The following MEFV variants were observed in gnomAD, a reference collection of about 807,000 sequenced individuals.
MEFV encodes MEFV innate immunity regulator, pyrin.
Under a neutral mutation model 62.5 loss-of-function variants are expected in MEFV, and 60 were observed. The observed-to-expected ratio is 0.96, with a 90% confidence interval of 0.78 to 1.19. MEFV has a LOEUF of 1.19. Ranked by LOEUF, MEFV falls within the 50% of genes most tolerant of loss-of-function variation. The probability of loss-of-function intolerance (pLI) is 0.00; values close to 1 mark genes in which losing one functional copy is unlikely to be tolerated. For synonymous variants in MEFV, 500 were observed against 415.2 expected, an observed-to-expected ratio of 1.20 and a Z score of -2.48; for missense variants, 1,169 against 1,004.5, an observed-to-expected ratio of 1.16 and a Z score of -2.21.
At chr16:3,244,737 TA>T in intron 6 of MEFV, 149 bp from the exon 7 acceptor site, 1 of 713,632 alleles carries the variant, frequency 1.4e-6, no homozygotes, top group South Asian at 1.5e-5. Context: ...TTCAGAGGTC[TA>T]AATGCTGGTC....
intron 2 of MEFV, 31 bp downstream of exon 2, chr16:3,254,127 C>T (rs1319245946): frequency 6.2e-7 from 1 of 1,610,304 alleles, no homozygotes; most frequent in African/African-American, 1.3e-5. Context: ...TTCTCTGCAG[C>T]CGATATAAAG....
chr16:3,249,569 C>G lies in MEFV; in HGVS notation c.1122G>C (p.Gln374His). 1 of 1,614,214 alleles carries G rather than the reference C, an allele frequency of 6.2e-7. No individual in the cohort carries two copies. Among genetic ancestry groups the G allele is most frequent in the Non-Finnish European group, 8.5e-7 (1 of 1,180,034 alleles). The change falls in exon 3 of 10, where the codon CAG becomes CAC. Residue 374 changes from glutamine to histidine, a missense_variant. Physicochemically the swap from Gln to His is conservative, Grantham distance 24 (BLOSUM62 0). Coordinates refer to ENST00000219596, the MANE Select transcript of MEFV (RefSeq NM_000243.3). ...GGACCTGCTTCAGGTGGCGCTTACA[C>G]TGTGGCAGGGGCTGGGGGCTTAGGC... ...PGSLSPQPLP[Q>H]CKRHLKQVQL...
chr16:3,247,154 T>C lies in MEFV; in HGVS notation c.1449A>G (p.Ser483=), dbSNP rs775451312. 2 of 1,614,046 alleles carry C rather than the reference T, an allele frequency of 1.2e-6. No individual in the cohort carries two copies. Among genetic ancestry groups the C allele is most frequent in the African/African-American group, 1.3e-5 (1 of 74,922 alleles). The change falls in exon 5 of 10, where the codon TCA becomes TCG. Residue 483 remains serine (S), a synonymous_variant. Transcript: ENST00000219596. ...LEQQEHFFVA[S]LEDVGQMVGQ... is the part of the protein sequence containing the mutation. ...CAACCATCTGGCCCACGTCCTCCAG[T>C]GAGGCCACAAAGAAATGCTCTTGCT...
intron 2 of MEFV, 70 bp downstream of exon 2, chr16:3,254,088 A>C: frequency 1.3e-6 from 2 of 1,547,844 alleles, no homozygotes; most frequent in Non-Finnish European, 1.8e-6. Flanking sequence ...GATTACAGGC[A>C]TGAGCTATCG....
rs768816084 is a variant in MEFV at position 3,247,217 on chromosome 16, C to T, written c.1386G>A (p.Val462=). Residue 462 remains valine (V), a synonymous_variant, in exon 5 of 10, where the codon GTG becomes GTA. Transcript: ENST00000219596. ...LKQTEALKQR[V]QRKLEQVYYF... ...AGTACACCTGCTCCAGCTTCCTCTG[C>T]ACCCGCTGCTTCAGCGCTTCAGTTT... The T allele has an allele frequency of 2.5e-6, 4 of 1,614,172 alleles. No individual in the cohort carries two copies. Among genetic ancestry groups the T allele is most frequent in the East Asian group, 4.5e-5 (2 of 44,878 alleles).
At chr16:3,243,934 A>G (rs1160834417) in intron 8 of MEFV, 42 bp from the exon 9 acceptor site, 2 of 1,611,952 alleles carry the variant, frequency 1.2e-6, no homozygotes, top group East Asian at 2.2e-5. Flanking sequence ...CCTGAGCATT[A>G]GCATTAAGAG....
chr16:3,250,967 T>A (rs1959023184), intron 2 of MEFV, among the ~76,000 whole-genome samples: 1 of 134,506 alleles, frequency 7.4e-6, no homozygotes, highest in African/African-American at 2.9e-5. Context: ...GAGTTTGCAG[T>A]GAGCTGAAGT....
chr16:3,244,124 C>T (rs1567232031), intron 8 of MEFV, 130 bp downstream of exon 8: 1 of 1,558,894 alleles, frequency 6.4e-7, no homozygotes, highest in Non-Finnish European at 8.7e-7. Flanking sequence ...CCTGCCATGA[C>T]CTTTCTCCTA....
At chr16:3,250,748 G>A (rs372735734) in intron 2 of MEFV, among the ~76,000 whole-genome samples, 4 of 151,040 alleles carry the variant, frequency 2.6e-5, no homozygotes, top group Admixed American at 6.6e-5. Flanking sequence ...ACACAAGGCC[G>A]AGCGCAGTGG....
Position 3,243,182 on chromosome 16 carries a change from G to A in MEFV, c.2305C>T (p.Pro769Ser), listed in dbSNP as rs387907565. ...GTRDGGKNTA[P>S]LTICPVGGQG... ...CCACCCACTGGACAGATAGTCAGAG[G>A]AGCTGTGTTCTTCCCTCCATCACGT... is the stretch of plus-strand genomic sequence containing the variant. Residue 769 changes from proline (P) to serine (S), a missense_variant, in exon 10 of 10, where the codon CCT (proline) becomes TCT (serine). Transcript: ENST00000219596. The A allele has an allele frequency of 1.9e-6, 3 of 1,613,954 alleles. No homozygotes were observed. The highest frequency in any genetic ancestry group is 2.2e-5 in the East Asian group (1 of 44,896).
Position 3,254,638 on chromosome 16 carries a change from AC to A in MEFV, c.429del (p.Cys144AlafsTer15), listed in dbSNP as rs1959088923. ...CCCCTCCCGGCCTCGGGCTGGCTGC[AC>A]CGCAGGCTGGCAGCTCCGCCCCCGT... ...RPYGGGAASL[R>X]CSQPEAGRGL... On this transcript the variant is annotated frameshift_variant, in exon 2 of 10. Transcript: ENST00000219596. LOFTEE classifies it high-confidence loss of function. 3 of 1,607,142 alleles carry A rather than the reference AC, an allele frequency of 1.9e-6. No individual in the cohort carries two copies. Among genetic ancestry groups the A allele is most frequent in the Non-Finnish European group, 2.5e-6 (3 of 1,178,046 alleles).
rs547393490 is a variant in MEFV at position 3,256,396 on chromosome 16, C to T, written c.192G>A (p.Glu64=). The change falls in exon 1 of 10, where the codon GAG becomes GAA. Residue 64 remains glutamate, a synonymous_variant. Coordinates refer to ENST00000219596, the MANE Select transcript of MEFV (RefSeq NM_000243.3). ...CCTGCAGGGTGAGCTGCACGGCGTA[C>T]TCTTCCCCATAGTAGGTGACCAGCA... ...ATLLVTYYGE[E]YAVQLTLQVL... 82 of 1,614,090 alleles carry T rather than the reference C, an allele frequency of 5.1e-5. 1 individual carries two copies. The South Asian group carries it at 7.0e-4, about 14-fold the overall frequency.
In MEFV at chr16:3,256,583, G is replaced by A. The variant is rs200148051; in HGVS notation, c.5C>T (p.Ala2Val). The stretch of plus-strand genomic sequence containing the variant: ...CAGCAGATGGTCACTAGGGGTCTTA[G>A]CCATGGTGCTGAGCAGGAGAGGCTC... M[A>V]KTPSDHLLST... The change falls in exon 1 of 10, where the codon GCT becomes GTT. Residue 2 changes from alanine (A) to valine (V), a missense_variant. Transcript: ENST00000219596. 1 of 1,614,088 alleles carries A rather than the reference G, an allele frequency of 6.2e-7. No homozygotes were observed. The highest frequency in any genetic ancestry group is 1.3e-5 in the African/African-American group (1 of 74,934).
rs11466023 is a variant in MEFV, at chr16:3,249,586, G to A, written c.1105C>T (p.Pro369Ser). 16,966 of 1,614,188 alleles carry A rather than the reference G, an allele frequency of 0.011. 246 individuals carry two copies. Among genetic ancestry groups the A allele is most frequent in the East Asian group, 0.063 (2,844 of 44,866 alleles). ...CGCTTACACTGTGGCAGGGGCTGGG[G>A]GCTTAGGCTTCCCGGGCTCTTCCTT... ...HERKSPGSLS[P>S]QPLPQCKRHL... is the part of the protein sequence containing the mutation. Residue 369 changes from proline to serine, a missense_variant, in exon 3 of 10, where the codon CCC becomes TCC. Pro to Ser is a moderately conservative substitution (Grantham distance 74). Coordinates refer to ENST00000219596, the MANE Select transcript of MEFV (RefSeq NM_000243.3).
In MEFV at chr16:3,254,606, C is replaced by A; in HGVS notation, c.462G>T (p.Ser154=). The part of the protein sequence containing the change: ...CSQPEAGRGL[S]RKPLSKRREK... Reference sequence around the variant, plus strand: ...CTCTGCGTTTGCTCAGGGGCTTCCTCGACAGCCCCCTCCCGGCCTCGGGCT... The same window carrying A: ...CTCTGCGTTTGCTCAGGGGCTTCCTAGACAGCCCCCTCCCGGCCTCGGGCT... Residue 154 remains serine, a synonymous_variant, in exon 2 of 10, where the codon TCG becomes TCT. Coordinates refer to ENST00000219596, the MANE Select transcript of MEFV (RefSeq NM_000243.3). The A allele has an allele frequency of 6.2e-7, 1 of 1,600,570 alleles. No homozygotes were observed. Among genetic ancestry groups the A allele is most frequent in the Non-Finnish European group, 8.5e-7 (1 of 1,175,994 alleles).
chr16:3,249,878 G>A lies in MEFV; in HGVS notation c.911-98C>T, dbSNP rs1029400059. 5 of 994,322 alleles carry A rather than the reference G, an allele frequency of 5.0e-6. No homozygotes were observed. The Admixed American group carries it at 8.0e-5, about 16-fold the overall frequency. The allele number at this position is 994,322 out of a possible 1,614,324, so 61.6% of individuals were successfully genotyped here. A position where few individuals can be genotyped will look rare whatever the true frequency, so the allele number is the denominator to read the frequency against. On this transcript the variant is annotated intron_variant, in intron 2 of 9. Coordinates refer to ENST00000219596, the MANE Select transcript of MEFV (RefSeq NM_000243.3). Reference sequence around the variant, plus strand: ...AGCGGACACAGCCCTTGCCTGAGATGTGCGAGTTCTCAGTTAGACTCTGCC... The same window carrying A: ...AGCGGACACAGCCCTTGCCTGAGATATGCGAGTTCTCAGTTAGACTCTGCC...
At chr16:3,254,064 T>TC (rs1959075977) in intron 2 of MEFV, 94 bp downstream of exon 2, 2 of 1,436,628 alleles carry the variant, frequency 1.4e-6, no homozygotes, top group Non-Finnish European at 1.9e-6. Flanking sequence ...CGCCCTGGCC[T>TC]CCCAAAGCGC....
At chr16:3,253,639 G>C (rs111878905) in intron 2 of MEFV, among the ~76,000 whole-genome samples, 2,857 of 152,062 alleles carry the variant, frequency 0.019, 87 homozygotes, top group African/African-American at 0.063. Flanking sequence ...TCAGCTTCCT[G>C]AGTGGCTAGA....
intron 4 of MEFV, chr16:3,248,645 G>C (rs1204116377): frequency 3.9e-6 from 4 of 1,028,876 alleles, no homozygotes; most frequent in African/African-American, 3.3e-5. Flanking sequence ...TTCTGCAGTA[G>C]TCACCGGCAT....
Sources: gnomAD v4.1 joint callset for allele counts (sites outside exome capture counted in the v4.1 genomes callset) on GRCh38, gnomAD v4.1.1 for gene constraint, MANE v1.5 for transcripts, NCBI Gene and HGNC (gene_info 2026-07-23, HGNC 2026-07-21) for gene names.